The following CCDC57 variants were observed in gnomAD, a reference collection of about 807,000 sequenced individuals.
The protein encoded by CCDC57 is coiled-coil domain containing 57.
Under a neutral mutation model 118.9 loss-of-function variants are expected in CCDC57, and 118 were observed. The observed-to-expected ratio is 0.99, with a 90% CI of 0.86 to 1.16. CCDC57 has a LOEUF of 1.16. Among genes scored for constraint, CCDC57 ranks in the 50% most tolerant of loss-of-function variants. CCDC57 has a pLI of 0.00. For synonymous variants in CCDC57, 527 were observed against 532.9 expected (o/e 0.99, Z 0.15); for missense variants, 1,300 against 1,320.7 (o/e 0.98, Z 0.24).
rs571879718 is a variant in CCDC57, at chr17:82,146,877, GCAAA to G, written c.2455+4679_2455+4682del. 4.6e-5 allele frequency among the ~76,000 whole-genome samples: 7 copies of G among 152,160 alleles called. No individual in the cohort carries two copies. In the East Asian group the frequency reaches 1.4e-3, roughly 29 times the overall value. On this transcript the variant is annotated intron_variant, in intron 16 of 19. Coordinates refer to ENST00000665763, the Ensembl canonical transcript of CCDC57. ...TGCACACAAACGCTTGTGCAGTCTC[GCAAA>G]CAAACGTGTGTGCACACACACAGTC...
chr17:82,113,446 C>T (rs1210725778), intron 19 of CCDC57: 1 of 717,502 alleles, frequency 1.4e-6, no homozygotes, highest in Non-Finnish European at 2.6e-6. Flanking sequence ...AACAAGAGAG[C>T]AGGGTCCTCT....
chr17:82,155,865 C>G (rs950543407), intron 15 of CCDC57: 1 of 152,248 alleles, frequency 6.6e-6, no homozygotes, highest in Non-Finnish European at 1.5e-5. Context: ...CCAGGAGGAG[C>G]CTGGAGCCCG....
chr17:82,180,763 C>T (rs919156456), intron 9 of CCDC57, among the ~76,000 whole-genome samples: 18 of 152,266 alleles, frequency 1.2e-4, no homozygotes, highest in Admixed American at 1.1e-3. Context: ...GCGTGAGCCA[C>T]TGGGCCCAGC....
chr17:82,188,463 C>T lies in CCDC57; in HGVS notation c.852-44G>A, dbSNP rs2047253332. The T allele has an allele frequency of 3.2e-6, 5 of 1,570,304 alleles. No homozygotes were observed. In the South Asian group the frequency reaches 3.4e-5, roughly 11 times the overall value. On this transcript the variant is annotated intron_variant, in intron 7 of 19. Transcript: ENST00000665763. ...CCCATGGCGCTCACCCAGCCCCCAA[C>T]ACCCAGGCCCCAGACCCTCTTTGGA... is the stretch of plus-strand genomic sequence containing the variant.
At chr17:82,104,965 T>C (rs1043235698) in intron 19 of CCDC57, 4 of 152,256 alleles carry the variant, frequency 2.6e-5, no homozygotes, top group African/African-American at 7.2e-5. Context: ...ACGGAGCTGG[T>C]CCCCAGCTTT....
At chr17:82,187,186 A>T (rs1396007407) in intron 8 of CCDC57, among the ~76,000 whole-genome samples, 1 of 145,394 alleles carries the variant, frequency 6.9e-6, no homozygotes, top group Non-Finnish European at 1.5e-5. Flanking sequence ...GCGGTGAGCT[A>T]AGATTGCACC....
At chr17:82,124,665 G>A (rs1003498653) in intron 19 of CCDC57, among the ~76,000 whole-genome samples, 2 of 151,926 alleles carry the variant, frequency 1.3e-5, no homozygotes, top group Non-Finnish European at 2.9e-5. Context: ...GCGTGGTGGC[G>A]TGTCCCTGTG....
rs1396201484 is a variant in CCDC57 at position 82,192,535 on chromosome 17, C to T, written c.851+1221G>A. ...TGCCAGGTGTAGACTTAAAAACACACGAAGAGAAACAGTGTTTGTCCAGCT... is the reference window on the plus strand; with the variant it reads ...TGCCAGGTGTAGACTTAAAAACACATGAAGAGAAACAGTGTTTGTCCAGCT... On this transcript the variant is annotated intron_variant, in intron 7 of 19. Transcript: ENST00000665763. The surrounding 1 kb of genome is among the most constrained non-coding windows in gnomAD (Gnocchi z 4.0). Among the ~76,000 whole-genome samples the T allele has an allele frequency of 4.6e-5, 7 of 152,174 alleles. No individual in the cohort carries two copies. The highest frequency in any genetic ancestry group is 8.8e-5 in the Non-Finnish European group (6 of 68,020).
At chr17:82,202,344 T>C (rs1159237589) in intron 2 of CCDC57, among the ~76,000 whole-genome samples, 1 of 151,670 alleles carries the variant, frequency 6.6e-6, no homozygotes, top group Non-Finnish European at 1.5e-5. Context: ...GGCACGTGCC[T>C]GTAGTCCCAG....
At chr17:82,157,851 A>G in exon 15 of CCDC57, 1 of 1,594,396 alleles carries the variant, frequency 6.3e-7, no homozygotes, top group Non-Finnish European at 8.5e-7. Context: ...CAGCTCAGCC[A>G]CCTGCTTCCG....
At chr17:82,159,939 G>A (rs1454245009) in intron 14 of CCDC57, 1 of 151,762 alleles carries the variant, frequency 6.6e-6, no homozygotes, top group East Asian at 1.9e-4. Context: ...AAGGTGCTGG[G>A]ATTACAGGCG....
chr17:82,159,094 T>C (rs1415770085), intron 14 of CCDC57, among the ~76,000 whole-genome samples: 2 of 152,182 alleles, frequency 1.3e-5, no homozygotes, highest in Non-Finnish European at 1.5e-5. Context: ...TTCAAACTGC[T>C]GAGCTCAAAT....
At chr17:82,109,762 C>G (rs1235447518) in intron 19 of CCDC57, among the ~76,000 whole-genome samples, 1 of 151,672 alleles carries the variant, frequency 6.6e-6, no homozygotes, top group Non-Finnish European at 1.5e-5. Context: ...GAGGCTGAGG[C>G]AGGAGAATGG....
intron 19 of CCDC57, chr17:82,107,413 G>C (rs1411377910): frequency 2.1e-6 from 1 of 468,446 alleles, no homozygotes; most frequent in African/African-American, 2.0e-5. Flanking sequence ...CTGCTGTGTG[G>C]CTTGTCACCC....
chr17:82,180,046 G>A (rs1030914040), intron 9 of CCDC57, among the ~76,000 whole-genome samples: 2 of 152,184 alleles, frequency 1.3e-5, no homozygotes, highest in African/African-American at 2.4e-5. Context: ...ATGGCTCTGC[G>A]TGAGACTGGA....
intron 2 of CCDC57, among the ~76,000 whole-genome samples, chr17:82,205,702 G>A (rs1174530821): frequency 6.6e-6 from 1 of 152,212 alleles, no homozygotes; most frequent in Admixed American, 6.5e-5. Flanking sequence ...CCCCCTCTAT[G>A]TGAGATGGGT....
chr17:82,122,921 A>G (rs2036911042), intron 19 of CCDC57, among the ~76,000 whole-genome samples: 1 of 152,036 alleles, frequency 6.6e-6, no homozygotes, highest in African/African-American at 2.4e-5. Context: ...TTTCTTGGAT[A>G]TGTTGTCCAT....
exon 11 of CCDC57, chr17:82,178,550 A>C (rs760760873): frequency 6.2e-7 from 1 of 1,613,668 alleles, no homozygotes; most frequent in East Asian, 2.2e-5. Flanking sequence ...CACGGCCTTC[A>C]GCACCACCTC....
In CCDC57 at chr17:82,107,527, C is replaced by T. The variant is rs184066444; in HGVS notation, c.2900-5661G>A. 2.3e-3 allele frequency: 1,061 copies of T among 470,848 alleles called. 8 individuals are homozygous for T. The highest frequency in any genetic ancestry group is 0.021 in the East Asian group (303 of 14,390). The allele number at this position is 470,848 out of a possible 1,614,324, so 29.2% of individuals were successfully genotyped here. On this transcript the variant is annotated intron_variant, in intron 19 of 19. Transcript: ENST00000665763. ...ACCCCCGCCAGAAAGGAGGAAGAGG[C>T]CCCCAGGTAGGTGCGTGCTTCTGGA...
Sources: allele counts gnomAD v4.1 joint callset (sites outside exome capture counted in the v4.1 genomes callset), GRCh38; gene constraint gnomAD v4.1.1; non-coding constraint Gnocchi (gnomAD v3.1); transcripts MANE v1.5; gene names NCBI Gene and HGNC (gene_info 2026-07-23, HGNC 2026-07-21).